The following FAT3 variants were observed in gnomAD, a reference collection of about 807,000 sequenced individuals.
The protein encoded by FAT3 is protocadherin Fat 3.
Under a neutral mutation model 310.2 loss-of-function variants are expected in FAT3, and 95 were observed. That is an observed-to-expected ratio of 0.31 (90% confidence interval 0.26 to 0.36). The LOEUF (loss-of-function observed/expected upper bound fraction) is 0.36. Among genes scored for constraint, FAT3 ranks in the 10% least tolerant of loss-of-function variants. FAT3 has a pLI of 1.00. For missense variants in FAT3, 5,408 were observed against 5,715.6 expected (o/e 0.95, Z 1.74); for synonymous variants, 2,314 against 2,192.9 (o/e 1.06, Z -1.54).
intron 7 of FAT3, among the ~76,000 whole-genome samples, chr11:92,779,994 G>A (rs1199813336): frequency 3.3e-5 from 5 of 152,040 alleles, no homozygotes; most frequent in Non-Finnish European, 7.4e-5. Flanking sequence ...CAACCACAAG[G>A]AACTATATTC....
chr11:92,862,843 C>CT (rs896437168), intron 21 of FAT3, among the ~76,000 whole-genome samples: 3 of 152,116 alleles, frequency 2.0e-5, no homozygotes, highest in Admixed American at 6.5e-5. Flanking sequence ...TGAGTGTCTA[C>CT]TTTTTTTGCC....
At chr11:92,684,849 G>A (rs1337024617) in intron 3 of FAT3, among the ~76,000 whole-genome samples, 1 of 151,788 alleles carries the variant, frequency 6.6e-6, no homozygotes, top group East Asian at 1.9e-4. Context: ...TTTCTTTTCT[G>A]AACAAGAAAC....
At chr11:92,596,504 C>G (rs903986855) in intron 3 of FAT3, among the ~76,000 whole-genome samples, 1 of 152,126 alleles carries the variant, frequency 6.6e-6, no homozygotes, top group African/African-American at 2.4e-5. Flanking sequence ...CACCATTCTC[C>G]CTTTGATGAC....
chr11:92,829,190 C>A (rs1439969025), intron 13 of FAT3, among the ~76,000 whole-genome samples: 1 of 152,180 alleles, frequency 6.6e-6, no homozygotes, highest in Non-Finnish European at 1.5e-5. Context: ...TTCCTCATGC[C>A]TACCTAAAAA....
chr11:92,737,896 C>T (rs1045372558), intron 4 of FAT3, among the ~76,000 whole-genome samples: 4 of 152,204 alleles, frequency 2.6e-5, no homozygotes, highest in Admixed American at 1.3e-4. Flanking sequence ...AATCAGGCCT[C>T]ACAGAATCTG....
At chr11:92,754,008 A>G (rs1185213155) in intron 4 of FAT3, among the ~76,000 whole-genome samples, 1 of 151,946 alleles carries the variant, frequency 6.6e-6, no homozygotes, top group Non-Finnish European at 1.5e-5. Context: ...GAGGAGGGAT[A>G]AAATACTACA....
chr11:92,616,059 C>CT (rs1312603396), intron 3 of FAT3, among the ~76,000 whole-genome samples: 1 of 152,074 alleles, frequency 6.6e-6, no homozygotes, highest in Non-Finnish European at 1.5e-5. Flanking sequence ...ATTGATCTGT[C>CT]TAATGTTGAC....
chr11:92,657,676 A>G (rs1341476511), intron 3 of FAT3, among the ~76,000 whole-genome samples: 1 of 152,242 alleles, frequency 6.6e-6, no homozygotes, highest in Admixed American at 6.5e-5. Context: ...CAGAGGACAT[A>G]AAGATAAAAG....
In FAT3 at chr11:92,800,864, C is replaced by T; in HGVS notation, c.7851C>T (p.His2617=). 6.2e-7 allele frequency: 1 copy of T among 1,613,442 alleles called. No individual in the cohort carries two copies. The highest frequency in any genetic ancestry group is 8.5e-7 in the Non-Finnish European group (1 of 1,179,718). ...TCAGGGCAGATGTTGGAAGGGGCCA[C>T]TTGGTCACTCAAGTTCAAGCCATAG... ...ASVRADVGRG[H]LVTQVQAIDP... Residue 2617 remains histidine (H), a synonymous_variant, in exon 10 of 28, where the codon CAC becomes CAT. Coordinates refer to ENST00000525166, the MANE Select transcript of FAT3 (RefSeq NM_001367949.2).
chr11:92,819,394 C>T (rs553306453), intron 13 of FAT3, among the ~76,000 whole-genome samples: 4 of 152,270 alleles, frequency 2.6e-5, no homozygotes, highest in East Asian at 3.9e-4. Context: ...TGGGTCCCTC[C>T]GCCAGAGTTT....
rs773324420 is a variant in FAT3 at position 92,866,993 on chromosome 11, A to C, written c.11911A>C (p.Thr3971Pro). The C allele has an allele frequency of 2.5e-6, 4 of 1,609,176 alleles. No individual in the cohort carries two copies. The highest frequency in any genetic ancestry group is 3.4e-6 in the Non-Finnish European group (4 of 1,177,954). The change falls in exon 22 of 28, where the codon ACT becomes CCT. Residue 3971 changes from threonine (T) to proline (P), a missense_variant. Around this residue, in one of 5 missense-constraint regions of FAT3, gnomAD observed 4,588 missense variants for 4,809.8 expected, o/e 0.95. Transcript: ENST00000525166. ...GCAAGCGGATAACATCCGCAGCCTG[A>C]CTGACACGCGGGTCACGCAGGTGCT... ...LVQADNIRSL[T>P]DTRVTQVLSG... is the part of the protein sequence containing the mutation.
rs1950310241 is a variant in FAT3, at chr11:92,412,730, T to TATATACAC, written c.3292+57331_3292+57332insCACATATA. On this transcript the variant is annotated intron_variant, in intron 2 of 27. Coordinates refer to ENST00000525166, the MANE Select transcript of FAT3 (RefSeq NM_001367949.2). ...ATATATATATATATATATATATATA[T>TATATACAC]ATATATATATATATAAATATACATA... Among the ~76,000 whole-genome samples, 4 of 22,890 alleles carry TATATACAC rather than the reference T, an allele frequency of 1.7e-4. 2 individuals are homozygous for TATATACAC. The highest frequency in any genetic ancestry group is 4.0e-3 in the South Asian group (2 of 502). 15.0% of individuals were successfully genotyped at this position (22,890 alleles called of 152,430 possible).
intron 1 of FAT3, among the ~76,000 whole-genome samples, chr11:92,290,620 C>T (rs146780919): frequency 0.013 from 1,995 of 151,362 alleles, 50 homozygotes; most frequent in African/African-American, 0.047. Flanking sequence ...AAAAATTAGC[C>T]GGTCTTGGTG....
At position 92,869,143 on chromosome 11, in the gene FAT3, T is replaced by TG. The variant is rs1353149012; in HGVS notation, c.12127+1940dup. Among the ~76,000 whole-genome samples, 4 of 152,306 alleles carry TG rather than the reference T, an allele frequency of 2.6e-5. No homozygotes were observed. The South Asian group carries it at 8.3e-4, about 32-fold the overall frequency. Reference sequence around the variant, plus strand: ...TATCAGTTCAAGTTTCTCTTTTGTCTGGGGGGACTTACGTTTTCCTAAAAT... The same window carrying TG: ...TATCAGTTCAAGTTTCTCTTTTGTCTGGGGGGGACTTACGTTTTCCTAAAAT... On this transcript the variant is annotated intron_variant, in intron 22 of 27. Coordinates refer to ENST00000525166, the MANE Select transcript of FAT3 (RefSeq NM_001367949.2).
chr11:92,680,902 T>C (rs1433524374), intron 3 of FAT3, among the ~76,000 whole-genome samples: 1 of 152,222 alleles, frequency 6.6e-6, no homozygotes, highest in Non-Finnish European at 1.5e-5. Context: ...TCCTTCTTGC[T>C]AGTTCCCTGA....
chr11:92,281,791 G>T (rs1286851775), intron 1 of FAT3, among the ~76,000 whole-genome samples: 2 of 152,188 alleles, frequency 1.3e-5, no homozygotes, highest in African/African-American at 2.4e-5. Flanking sequence ...GAACCTGGGA[G>T]AAATGATTGT....
At chr11:92,803,444 T>C (rs1404892322) in intron 10 of FAT3, among the ~76,000 whole-genome samples, 1 of 152,256 alleles carries the variant, frequency 6.6e-6, no homozygotes, top group African/African-American at 2.4e-5. Context: ...GGGCCTGCAC[T>C]GAAAGCATTT....
intron 2 of FAT3, among the ~76,000 whole-genome samples, chr11:92,443,659 G>T (rs1163956684): frequency 2.6e-5 from 4 of 152,136 alleles, no homozygotes; most frequent in Non-Finnish European, 5.9e-5. Flanking sequence ...CTCCTGAAGA[G>T]ATTTTGCAAG....
chr11:92,251,231 A>G (rs1379785673), intron 1 of FAT3, among the ~76,000 whole-genome samples: 1 of 152,128 alleles, frequency 6.6e-6, no homozygotes, highest in Non-Finnish European at 1.5e-5. Context: ...AGGTTCTGTC[A>G]TCCATCTTTA....
Sources: allele counts gnomAD v4.1 joint callset (sites outside exome capture counted in the v4.1 genomes callset), GRCh38; gene constraint gnomAD v4.1.1; regional missense constraint gnomAD v4.1.1; transcripts MANE v1.5; gene names NCBI Gene and HGNC (gene_info 2026-07-23, HGNC 2026-07-21).